MORC1: variants seen among roughly 807,000 people sequenced by gnomAD.
MORC1 encodes the protein MORC family CW-type zinc finger protein 1.
In MORC1, 59 loss-of-function variants were observed where a neutral mutation model predicts 134.9. The ratio of observed to expected loss-of-function variants is 0.44; its 90% CI spans 0.35 to 0.54. The LOEUF is 0.54. Ranked by LOEUF, MORC1 falls within the 20% of genes least tolerant of loss-of-function variation. The pLI is 0.00. For missense variants in MORC1, 947 were observed against 1,134.5 expected (o/e 0.83, Z 2.37); for synonymous variants, 395 against 391.7 (o/e 1.01, Z -0.10).
intron 14 of MORC1, among the ~76,000 whole-genome samples, chr3:109,046,005 A>T (rs1949686183): frequency 6.6e-6 from 1 of 152,154 alleles, no homozygotes; most frequent in Non-Finnish European, 1.5e-5. Flanking sequence ...CCTCAACCTA[A>T]GAAAATATAT....
chr3:109,036,324 A>G (rs1404271990), intron 14 of MORC1, among the ~76,000 whole-genome samples: 3 of 152,152 alleles, frequency 2.0e-5, no homozygotes, highest in African/African-American at 7.2e-5. Context: ...CACTTTATGT[A>G]ATGTATGAAA....
chr3:109,047,343 T>A (rs549717050), intron 14 of MORC1, among the ~76,000 whole-genome samples: 1 of 152,216 alleles, frequency 6.6e-6, no homozygotes. Flanking sequence ...CCAGAAAGAA[T>A]AAGGGTCCTA....
At chr3:109,117,923 G>A in intron 1 of MORC1, 72 bp downstream of exon 1, 3 of 1,266,706 alleles carry the variant, frequency 2.4e-6, no homozygotes, top group Non-Finnish European at 3.4e-6. Flanking sequence ...TATTCCTCAG[G>A]GGACGGGCAA....
At position 109,011,490 on chromosome 3, in the gene MORC1, C is replaced by T. The variant is rs935935016; in HGVS notation, c.1705-4399G>A. ...CTTAAATGTGTCTATTTTTTAACTG[C>T]ATTGTCTTATTATTGTTTTTGTGCT... On this transcript the variant is annotated intron_variant, in intron 17 of 27. Coordinates refer to ENST00000232603, the MANE Select transcript of MORC1 (RefSeq NM_014429.4). Among the ~76,000 whole-genome samples the T allele has an allele frequency of 2.6e-5, 4 of 151,286 alleles. No homozygotes were observed. In the East Asian group the frequency reaches 5.8e-4, roughly 22 times the overall value.
chr3:109,079,304 C>T (rs1039903720), intron 8 of MORC1, among the ~76,000 whole-genome samples: 1 of 151,968 alleles, frequency 6.6e-6, no homozygotes, highest in Admixed American at 6.6e-5. Flanking sequence ...ATGCAAAGAT[C>T]ACTCAACATC....
intron 21 of MORC1, among the ~76,000 whole-genome samples, chr3:108,994,841 G>A (rs572840811): frequency 1.3e-5 from 2 of 152,150 alleles, no homozygotes; most frequent in African/African-American, 4.8e-5. Flanking sequence ...GCCATCTATT[G>A]TGGTCTGCCA....
chr3:109,022,484 C>T (rs1948982809), intron 17 of MORC1, among the ~76,000 whole-genome samples: 1 of 152,292 alleles, frequency 6.6e-6, no homozygotes, highest in Non-Finnish European at 1.5e-5. Context: ...TCCACATGAG[C>T]ACTGAAGAAG....
At chr3:108,990,833 G>A (rs138758329) in intron 21 of MORC1, among the ~76,000 whole-genome samples, 64 of 152,180 alleles carry the variant, frequency 4.2e-4, no homozygotes, top group Admixed American at 1.4e-3. Flanking sequence ...GATGGGGGTG[G>A]TGTGGGTAGT....
At chr3:108,987,576 C>T (rs184906224) in intron 21 of MORC1, among the ~76,000 whole-genome samples, 29 of 151,958 alleles carry the variant, frequency 1.9e-4, no homozygotes, top group African/African-American at 5.6e-4. Context: ...GGGTTACTGG[C>T]ACCTGGAGAG....
chr3:109,015,482 T>C (rs906579639), intron 17 of MORC1, among the ~76,000 whole-genome samples: 1 of 152,214 alleles, frequency 6.6e-6, no homozygotes, highest in Non-Finnish European at 1.5e-5. Context: ...TCTTTAATTC[T>C]ATCACATGCT....
chr3:108,966,079 A>G (rs1038204057), intron 26 of MORC1, among the ~76,000 whole-genome samples: 1 of 152,170 alleles, frequency 6.6e-6, no homozygotes, highest in Non-Finnish European at 1.5e-5. Context: ...AAGGACATCT[A>G]GTTGTACTAG....
At chr3:109,067,505 T>C (rs997581415) in intron 9 of MORC1, among the ~76,000 whole-genome samples, 3 of 152,188 alleles carry the variant, frequency 2.0e-5, no homozygotes, top group African/African-American at 7.2e-5. Flanking sequence ...TTAGGTAGAT[T>C]ACACTCAATT....
intron 17 of MORC1, among the ~76,000 whole-genome samples, chr3:109,027,338 G>GT (rs1468315273): frequency 6.6e-6 from 1 of 152,150 alleles, no homozygotes; most frequent in African/African-American, 2.4e-5. Flanking sequence ...ATAGGTTAAT[G>GT]TTTTTTAAAA....
At chr3:109,003,274 TATAC>T (rs1308794130) in intron 20 of MORC1, among the ~76,000 whole-genome samples, 3 of 151,672 alleles carry the variant, frequency 2.0e-5, no homozygotes. Context: ...TATATATATA[TATAC>T]ACACACAGAC....
chr3:109,043,468 G>A (rs186509367), intron 14 of MORC1, among the ~76,000 whole-genome samples: 1 of 152,068 alleles, frequency 6.6e-6, no homozygotes, highest in Non-Finnish European at 1.5e-5. Context: ...AAGATGAAAA[G>A]AGTTTTAGAG....
chr3:108,990,577 A>T (rs1199271878), intron 21 of MORC1, among the ~76,000 whole-genome samples: 1 of 152,038 alleles, frequency 6.6e-6, no homozygotes, highest in Non-Finnish European at 1.5e-5. Context: ...TTCCCTTCCC[A>T]TGCTTTCTTT....
chr3:109,069,944 C>T (rs1950281273), intron 8 of MORC1, among the ~76,000 whole-genome samples, 187 bp from the exon 9 acceptor site: 1 of 152,186 alleles, frequency 6.6e-6, no homozygotes, highest in Admixed American at 6.5e-5. Flanking sequence ...AAGGAGGCCT[C>T]TAAACACAAG....
chr3:108,983,529 C>T (rs1241463078), intron 23 of MORC1, among the ~76,000 whole-genome samples: 1 of 152,022 alleles, frequency 6.6e-6, no homozygotes, highest in Admixed American at 6.6e-5. Context: ...CTTTCAAAAG[C>T]TTAGAATTAT....
chr3:109,074,980 C>T (rs553213322), intron 8 of MORC1, among the ~76,000 whole-genome samples: 2 of 152,126 alleles, frequency 1.3e-5, no homozygotes, highest in African/African-American at 2.4e-5. Context: ...TAAAGCTCTC[C>T]CAACAGAACT....
Sources: allele counts gnomAD v4.1 joint callset (sites outside exome capture counted in the v4.1 genomes callset), GRCh38; gene constraint gnomAD v4.1.1; transcripts MANE v1.5; gene names NCBI Gene and HGNC (gene_info 2026-07-23, HGNC 2026-07-21).